The following TIE1 variants were observed in gnomAD, a reference collection of about 807,000 sequenced individuals.
TIE1 encodes tyrosine kinase with immunoglobulin like and EGF like domains 1.
In TIE1, 89 loss-of-function variants were observed where a neutral mutation model predicts 130.5. That is an observed-to-expected ratio of 0.68 (90% CI 0.57 to 0.81). The LOEUF (loss-of-function observed/expected upper bound fraction) is 0.81. Among genes scored for constraint, TIE1 ranks in the 40% least tolerant of loss-of-function variants. The pLI is 0.00. For missense variants in TIE1, 1,392 were observed against 1,559.8 expected, an observed-to-expected ratio of 0.89 and a Z score of 1.81; for synonymous variants, 568 against 629.4, an observed-to-expected ratio of 0.90 and a Z score of 1.46.
chr1:43,311,539 G>A, intron 9 of TIE1, 132 bp from the exon 10 acceptor site: 1 of 1,236,270 alleles, frequency 8.1e-7, no homozygotes, highest in South Asian at 1.5e-5. Context: ...TGTCCTCCCT[G>A]GGCCCTGGCC....
chr1:43,319,546 A>G lies in TIE1; in HGVS notation c.3107+17A>G. 6.2e-7 allele frequency: 1 copy of G among 1,612,582 alleles called. No homozygotes were observed. Among genetic ancestry groups the G allele is most frequent in the Non-Finnish European group, 8.5e-7 (1 of 1,178,772 alleles). ...GAGTGATGTGTGAGTGTGAGATGAG[A>G]GGGCACAGGAGGGCTTGGCCCCCAA... is the stretch of plus-strand genomic sequence containing the variant. On this transcript the variant is annotated intron_variant, in intron 19 of 22. Transcript: ENST00000372476. This position sits in a 1 kb window ranked among gnomAD's most constrained non-coding sequence, Gnocchi z 4.7.
chr1:43,322,867 T>G lies in TIE1; in HGVS notation c.*145T>G, dbSNP rs1646933095. 1.4e-6 allele frequency: 1 copy of G among 703,476 alleles called. No individual in the cohort carries two copies. Among genetic ancestry groups the G allele is most frequent in the Non-Finnish European group, 2.4e-6 (1 of 419,762 alleles). 43.6% of individuals were successfully genotyped at this position (703,476 alleles called of 1,614,324 possible). On this transcript the variant is annotated 3_prime_UTR_variant, in exon 23 of 23. Coordinates refer to ENST00000372476, the MANE Select transcript of TIE1 (RefSeq NM_005424.5). This position sits in a 1 kb window ranked among gnomAD's most constrained non-coding sequence, Gnocchi z 4.0. ...AGGGAGAAAAAAAGGGATCTGGGGA[T>G]GGGGTGGGCTTAGGGGAACTGGGTT...
At chr1:43,305,193 C>T (rs775290031) in intron 2 of TIE1, 28 bp downstream of exon 2, 10 of 1,613,768 alleles carry the variant, frequency 6.2e-6, no homozygotes, top group South Asian at 2.2e-5. Context: ...GGGGATGGCG[C>T]GGGGAAAACC....
intron 21 of TIE1, 28 bp downstream of exon 21, chr1:43,321,520 G>A: frequency 6.3e-7 from 1 of 1,593,384 alleles, no homozygotes; most frequent in Non-Finnish European, 8.6e-7. Flanking sequence ...TGAGCTCCAT[G>A]ATCCTATCTC....
Position 43,307,616 on chromosome 1 carries a change from C to A in TIE1, c.913+44C>A, listed in dbSNP as rs751899702. ...CATGGTCCCTGACCAAGACAGCTGG[C>A]CAGGAGCTTGACCCGGACCCTCCAC... On this transcript the variant is annotated intron_variant, in intron 6 of 22. Transcript: ENST00000372476. This position sits in a 1 kb window ranked among gnomAD's most constrained non-coding sequence, Gnocchi z 5.4. 1 of 1,612,916 alleles carries A rather than the reference C, an allele frequency of 6.2e-7. No homozygotes were observed. The highest frequency in any genetic ancestry group is 2.2e-5 in the East Asian group (1 of 44,854).
At chr1:43,303,270 A>G (rs143884389) in intron 1 of TIE1, among the ~76,000 whole-genome samples, 30 of 152,254 alleles carry the variant, frequency 2.0e-4, no homozygotes, top group African/African-American at 7.2e-4. Flanking sequence ...TGCAGGTCCA[A>G]GCTGAAAGAC....
At position 43,309,507 on chromosome 1, in the gene TIE1, C is replaced by T; in HGVS notation, c.1308C>T (p.Ser436=). ...TGTCCACATCTGGCGGCCAAGACAG[C>T]CGGCGCTTCAAGGTCAATGTGAAAG... ...CRVSTSGGQD[S]RRFKVNVKVP... is the part of the protein sequence containing the mutation. The change falls in exon 9 of 23, where the codon AGC becomes AGT. Residue 436 remains serine (S), a synonymous_variant. Transcript: ENST00000372476. The surrounding 1 kb of genome is among the most constrained non-coding windows in gnomAD (Gnocchi z 6.3). 6.3e-7 allele frequency: 1 copy of T among 1,596,506 alleles called. No individual in the cohort carries two copies. Among genetic ancestry groups the T allele is most frequent in the Admixed American group, 1.8e-5 (1 of 55,816 alleles).
rs1646735192 is a variant in TIE1, at chr1:43,306,987, T to C, written c.632T>C (p.Ile211Thr). The change falls in exon 4 of 23, where the codon ATC (isoleucine) becomes ACC (threonine). Residue 211 changes from isoleucine to threonine, a missense_variant. Transcript: ENST00000372476. The surrounding 1 kb of genome is among the most constrained non-coding windows in gnomAD (Gnocchi z 4.9). ...SPLGSAFFRL[I>T]VRGCGAGRWG... ...CTGGGCAGCGCCTTCTTTCGGCTCA[T>C]CGTGCGGGGTCAGAGGCAGAGGGCA... 1 of 1,613,658 alleles carries C rather than the reference T, an allele frequency of 6.2e-7. No homozygotes were observed. Among genetic ancestry groups the C allele is most frequent in the Non-Finnish European group, 8.5e-7 (1 of 1,179,988 alleles).
In TIE1 at chr1:43,305,192, GC is replaced by G. The variant is rs952919737; in HGVS notation, c.373+28del. 1.5e-5 allele frequency: 24 copies of G among 1,613,770 alleles called. No homozygotes were observed. In the African/African-American group the frequency reaches 2.3e-4, roughly 15 times the overall value. On this transcript the variant is annotated intron_variant, in intron 2 of 22. Transcript: ENST00000372476. ...TGAGTTAGGCAGGCGGGGGGATGGC[GC>G]GGGGAAAACCAGGCCGCTGACCCAC... is the stretch of plus-strand genomic sequence containing the variant.
rs917160748 is a variant in TIE1, at chr1:43,323,066, C to T, written c.*344C>T. On this transcript the variant is annotated 3_prime_UTR_variant, in exon 23 of 23. Transcript: ENST00000372476. Reference sequence around the variant, plus strand: ...TGCCCTGTTCAGCTACTCCCACTCCCGGCCTGTCATTCAGAAAAAAATAAA... The same window carrying T: ...TGCCCTGTTCAGCTACTCCCACTCCTGGCCTGTCATTCAGAAAAAAATAAA... The T allele has an allele frequency of 4.0e-5, 10 of 247,024 alleles. No individual in the cohort carries two copies. The highest frequency in any genetic ancestry group is 1.8e-4 in the African/African-American group (8 of 45,042). The allele number at this position is 247,024 out of a possible 1,614,324, so 15.3% of individuals were successfully genotyped here.
rs759499154 is a variant in TIE1 at position 43,317,858 on chromosome 1, A to C, written c.2732-24A>C. 1.2e-6 allele frequency: 2 copies of C among 1,612,206 alleles called. No homozygotes were observed. Among genetic ancestry groups the C allele is most frequent in the South Asian group, 2.2e-5 (2 of 90,830 alleles). On this transcript the variant is annotated intron_variant, in intron 16 of 22. Transcript: ENST00000372476. The surrounding 1 kb of genome is among the most constrained non-coding windows in gnomAD (Gnocchi z 5.1). ...CTAGGTTGCCTGTGTCTAAATCACCACTGTCTGTCTCTTTGCCTCTCAGGT... is the reference window on the plus strand; with the variant it reads ...CTAGGTTGCCTGTGTCTAAATCACCCCTGTCTGTCTCTTTGCCTCTCAGGT...
rs1271309682 is a variant in TIE1, at chr1:43,316,626, C to T, written c.2410-573C>T. On this transcript the variant is annotated intron_variant, in intron 14 of 22. Coordinates refer to ENST00000372476, the MANE Select transcript of TIE1 (RefSeq NM_005424.5). This position sits in a 1 kb window ranked among gnomAD's most constrained non-coding sequence, Gnocchi z 4.4. ...AAGTGTGTGGACAGGGTAATCTCTG[C>T]TTCTGCTACTGTGGAGAAAACCCCT... is the stretch of plus-strand genomic sequence containing the variant. 6.6e-6 allele frequency among the ~76,000 whole-genome samples: 1 copy of T among 152,142 alleles called. No individual in the cohort carries two copies. Among genetic ancestry groups the T allele is most frequent in the African/African-American group, 2.4e-5 (1 of 41,420 alleles).
At position 43,313,039 on chromosome 1, in the gene TIE1, A is replaced by G; in HGVS notation, c.1928-96A>G. ...CAGGGTGGCCCCTGTGCTTGGACCC[A>G]CAGAGGAGGGAGCACAGCTAGAGCA... On this transcript the variant is annotated intron_variant, in intron 12 of 22. Coordinates refer to ENST00000372476, the MANE Select transcript of TIE1 (RefSeq NM_005424.5). The surrounding 1 kb of genome is among the most constrained non-coding windows in gnomAD (Gnocchi z 6.2). 1 of 1,428,100 alleles carries G rather than the reference A, an allele frequency of 7.0e-7. No homozygotes were observed. Among genetic ancestry groups the G allele is most frequent in the Non-Finnish European group, 9.4e-7 (1 of 1,058,788 alleles). The allele number at this position is 1,428,100 out of a possible 1,614,324, so 88.5% of individuals were successfully genotyped here.
chr1:43,309,188 AT>A lies in TIE1; in HGVS notation c.1188+58del. On this transcript the variant is annotated intron_variant, in intron 8 of 22. Transcript: ENST00000372476. This position sits in a 1 kb window ranked among gnomAD's most constrained non-coding sequence, Gnocchi z 6.3. ...CCTCAGGCCGCCTGCTTCACAGCTG[AT>A]CCCTAAGACCCCCTAGTCCCTCAGA... The A allele has an allele frequency of 6.5e-7, 1 of 1,545,204 alleles. No individual in the cohort carries two copies. The highest frequency in any genetic ancestry group is 1.4e-5 in the African/African-American group (1 of 72,982).
Position 43,313,701 on chromosome 1 carries a change from C to T in TIE1, c.2219-77C>T. The T allele has an allele frequency of 2.8e-6, 4 of 1,442,836 alleles. No individual in the cohort carries two copies. The highest frequency in any genetic ancestry group is 3.7e-6 in the Non-Finnish European group (4 of 1,074,872). The allele number at this position is 1,442,836 out of a possible 1,614,324, so 89.4% of individuals were successfully genotyped here. A position where few individuals can be genotyped will look rare whatever the true frequency, so the allele number is the denominator to read the frequency against. ...TGGCACTGGGATCTTTCACCTCTCC[C>T]TCTGTGTAACCCCATGGTGGCCTCT... On this transcript the variant is annotated intron_variant, in intron 13 of 22. Transcript: ENST00000372476. This position sits in a 1 kb window ranked among gnomAD's most constrained non-coding sequence, Gnocchi z 6.2.
intron 14 of TIE1, chr1:43,314,490 A>C (rs1182378584): frequency 9.9e-7 from 1 of 1,010,100 alleles, no homozygotes; most frequent in Non-Finnish European, 1.2e-6. Flanking sequence ...TGAGCTCCTC[A>C]TCCTAACCTT....
In TIE1 at chr1:43,318,069, G is replaced by A. The variant is rs1557453567; in HGVS notation, c.2919G>A (p.Lys973=). 1.3e-6 allele frequency: 2 copies of A among 1,544,318 alleles called. No homozygotes were observed. The highest frequency in any genetic ancestry group is 1.7e-6 in the Non-Finnish European group (2 of 1,144,264). The part of the protein sequence containing the change: ...AANGMQYLSE[K]QFIHRDLAAR... ...ATGGCATGCAGTACCTGAGTGAGAAGCAGGTGTGTGTGAGTGGGGGCGGGT... is the reference window on the plus strand; with the variant it reads ...ATGGCATGCAGTACCTGAGTGAGAAACAGGTGTGTGTGAGTGGGGGCGGGT... Residue 973 remains lysine, a synonymous_variant, in exon 17 of 23, where the codon AAG becomes AAA. Coordinates refer to ENST00000372476, the MANE Select transcript of TIE1 (RefSeq NM_005424.5). The surrounding 1 kb of genome is among the most constrained non-coding windows in gnomAD (Gnocchi z 4.4).
rs1290096141 is a variant in TIE1 at position 43,312,559 on chromosome 1, G to A, written c.1885G>A (p.Gly629Ser). The A allele has an allele frequency of 1.9e-6, 3 of 1,612,834 alleles. No homozygotes were observed. The highest frequency in any genetic ancestry group is 2.5e-6 in the Non-Finnish European group (3 of 1,179,696). The change falls in exon 12 of 23, where the codon GGC becomes AGC. Residue 629 changes from glycine to serine, a missense_variant. Gly to Ser is a moderately conservative substitution (Grantham distance 56, BLOSUM62 0). This residue lies in a region of TIE1 where 551 missense variants were observed against 565.5 expected (regional missense o/e 0.97). Coordinates refer to ENST00000372476, the MANE Select transcript of TIE1 (RefSeq NM_005424.5). This position sits in a 1 kb window ranked among gnomAD's most constrained non-coding sequence, Gnocchi z 5.6. Reference protein sequence around the residue: ...DVQLYHCTLLGPASPPAHVLL... With the variant: ...DVQLYHCTLLSPASPPAHVLL... Reference sequence around the variant, plus strand: ...GCAGCTCTACCACTGCACCCTCCTGGGCCCGGCCTCGCCCCCTGCACACGT... The same window carrying A: ...GCAGCTCTACCACTGCACCCTCCTGAGCCCGGCCTCGCCCCCTGCACACGT...
rs773996711 is a variant in TIE1, at chr1:43,319,466, T to G, written c.3044T>G (p.Leu1015Arg). ...AAACCCATTCTCTCCTAGGGGCGTC[T>G]CCCTGTGCGCTGGATGGCCATTGAG... ...EVYVKKTMGR[L>R]PVRWMAIESL... Residue 1015 changes from leucine to arginine, a missense_variant, in exon 19 of 23, where the codon CTC (leucine) becomes CGC (arginine). Leu to Arg is a moderately radical substitution (Grantham distance 102, BLOSUM62 -2). Transcript: ENST00000372476. This position sits in a 1 kb window ranked among gnomAD's most constrained non-coding sequence, Gnocchi z 4.7. The G allele has an allele frequency of 6.2e-7, 1 of 1,614,110 alleles. No homozygotes were observed. The highest frequency in any genetic ancestry group is 8.5e-7 in the Non-Finnish European group (1 of 1,180,014).
Sources: allele counts gnomAD v4.1 joint callset (sites outside exome capture counted in the v4.1 genomes callset), GRCh38; gene constraint gnomAD v4.1.1; regional missense constraint gnomAD v4.1.1; non-coding constraint Gnocchi (gnomAD v3.1); transcripts MANE v1.5; gene names NCBI Gene and HGNC (gene_info 2026-07-23, HGNC 2026-07-21).